SLC6A9: variants seen among roughly 807,000 people sequenced by gnomAD.
SLC6A9 encodes sodium- and chloride-dependent glycine transporter 1.
Under a neutral mutation model 70.9 loss-of-function variants are expected in SLC6A9, and 31 were observed. The observed-to-expected ratio is 0.44, with a 90% CI of 0.33 to 0.59. The LOEUF is 0.59. Ranked by LOEUF, SLC6A9 falls within the 20% of genes least tolerant of loss-of-function variation. The pLI is 0.04. For missense variants in SLC6A9, 631 were observed against 845.2 expected (o/e 0.75, Z 3.14); for synonymous variants, 310 against 341.3 (o/e 0.91, Z 1.01).
At chr1:44,011,731 G>T (rs1465664572) in intron 2 of SLC6A9, 2 of 1,613,664 alleles carry the variant, frequency 1.2e-6, no homozygotes, top group Admixed American at 3.3e-5. Context: ...ACCTGCAGGG[G>T]AGGGGGCCGA....
chr1:44,015,404 C>T (rs1398742121), intron 2 of SLC6A9, among the ~76,000 whole-genome samples: 2 of 152,192 alleles, frequency 1.3e-5, no homozygotes, highest in South Asian at 2.1e-4. Flanking sequence ...CCTGGATGGG[C>T]GGGCCCCTCT....
chr1:44,001,156 G>A lies in SLC6A9; in HGVS notation c.1335+8C>T. On this transcript the variant is annotated splice_region_variant and intron_variant, in intron 10 of 13. Transcript: ENST00000372310. The stretch of plus-strand genomic sequence containing the variant: ...TCTGGGCCAGCCCTTCCCTTACGCA[G>A]CTCTTACCTGGCTGGTGAGGGGGAT... 1 of 1,614,216 alleles carries A rather than the reference G, an allele frequency of 6.2e-7. No homozygotes were observed. The highest frequency in any genetic ancestry group is 8.5e-7 in the Non-Finnish European group (1 of 1,180,044).
In SLC6A9 at chr1:44,015,936, T is replaced by G. The variant is rs189658137; in HGVS notation, c.31-5054A>C. 4.4e-4 allele frequency: 410 copies of G among 937,032 alleles called. No homozygotes were observed. The Middle Eastern group carries it at 4.9e-3, about 11-fold the overall frequency. 58.0% of individuals were successfully genotyped at this position (937,032 alleles called of 1,614,324 possible). A position where few individuals can be genotyped will look rare whatever the true frequency, so the allele number is the denominator to read the frequency against. ...TCAAGGCAAACCTCAGAGCCATCTC[T>G]GGGCACCTCTCAGGACTCCAGGTGC... On this transcript the variant is annotated intron_variant, in intron 2 of 13. Transcript: ENST00000372310.
intron 3 of SLC6A9, chr1:44,010,471 G>GGGGGGGGGGC (rs55903609): frequency 4.6e-6 from 1 of 215,332 alleles, no homozygotes. Context: ...GGGGGGGGGG[G>GGGGGGGGGGC]TTAGGTCCTT....
In SLC6A9 at chr1:43,997,448, G is replaced by A. The variant is rs867196094; in HGVS notation, c.*97C>T. On this transcript the variant is annotated 3_prime_UTR_variant, in exon 14 of 14. Coordinates refer to ENST00000372310, the MANE Select transcript of SLC6A9 (RefSeq NM_001024845.3). This position sits in a 1 kb window ranked among gnomAD's most constrained non-coding sequence, Gnocchi z 4.4. The stretch of plus-strand genomic sequence containing the variant: ...TGACAGCAGCCGTCCTGGCCAGGGC[G>A]TGGCAGGGGGCAGGCAGAGACACCT... 7.0e-5 allele frequency: 76 copies of A among 1,084,558 alleles called. No individual in the cohort carries two copies. The highest frequency in any genetic ancestry group is 6.8e-4 in the African/African-American group (43 of 63,390). 67.2% of individuals were successfully genotyped at this position (1,084,558 alleles called of 1,614,324 possible). A position where few individuals can be genotyped will look rare whatever the true frequency, so the allele number is the denominator to read the frequency against.
intron 2 of SLC6A9, among the ~76,000 whole-genome samples, chr1:44,019,917 C>T (rs1465106439): frequency 7.1e-5 from 8 of 113,122 alleles, no homozygotes; most frequent in African/African-American, 1.7e-4. Flanking sequence ...TGTGGGAGGC[C>T]GGGCTACAGG....
At chr1:43,999,017 C>T (rs547050688) in intron 12 of SLC6A9, among the ~76,000 whole-genome samples, 111 of 151,672 alleles carry the variant, frequency 7.3e-4, no homozygotes, top group African/African-American at 2.6e-3. Flanking sequence ...CCTCCTGAGC[C>T]TCCAGCCACA....
chr1:43,999,750 T>C (rs762338903), intron 12 of SLC6A9, among the ~76,000 whole-genome samples: 16 of 152,130 alleles, frequency 1.1e-4, no homozygotes, highest in Middle Eastern at 3.2e-3. Flanking sequence ...GGAAGTCTGG[T>C]GCTGAGCCCC....
At chr1:44,001,321 C>G in intron 9 of SLC6A9, 23 bp from the exon 10 acceptor site, 1 of 1,614,174 alleles carries the variant, frequency 6.2e-7, no homozygotes, top group Non-Finnish European at 8.5e-7. Flanking sequence ...GCTGTCAGAT[C>G]GGAGACCTGC....
intron 1 of SLC6A9, among the ~76,000 whole-genome samples, chr1:44,030,113 TCCGCCGGCCCGAGGCGCGGAGGCCTC>T (rs1331460792): frequency 1.3e-5 from 2 of 151,900 alleles, no homozygotes; most frequent in African/African-American, 4.8e-5. Context: ...CCTTTAAGTA[TCCGCCGGCCCGAGGCGCGGAGGCCTC>T]CGGCCGGCGG....
intron 2 of SLC6A9, among the ~76,000 whole-genome samples, chr1:44,022,714 C>CTTGCTTTTT (rs2086907039): frequency 1.3e-5 from 1 of 79,530 alleles, no homozygotes; most frequent in Admixed American, 1.2e-4. Context: ...TTCTTTCTTT[C>CTTGCTTTTT]TTTCTTTCTT....
At position 43,997,250 on chromosome 1, in the gene SLC6A9, G is replaced by A. The variant is rs908188623; in HGVS notation, c.*295C>T. 10 of 432,384 alleles carry A rather than the reference G, an allele frequency of 2.3e-5. No individual in the cohort carries two copies. The highest frequency in any genetic ancestry group is 1.3e-3 in the Middle Eastern group (2 of 1,532). 26.8% of individuals were successfully genotyped at this position (432,384 alleles called of 1,614,324 possible). On this transcript the variant is annotated 3_prime_UTR_variant, in exon 14 of 14. Transcript: ENST00000372310. This position sits in a 1 kb window ranked among gnomAD's most constrained non-coding sequence, Gnocchi z 4.4. Reference sequence around the variant, plus strand: ...AGGGTATAAGGGTATCGGAGGCCACGTAAAGCCATCCAGGCTGCTGGGGAC... The same window carrying A: ...AGGGTATAAGGGTATCGGAGGCCACATAAAGCCATCCAGGCTGCTGGGGAC...
rs2086812770 is a variant in SLC6A9, at chr1:44,018,310, G to A, written c.30+5938C>T. 6.6e-6 allele frequency among the ~76,000 whole-genome samples: 1 copy of A among 152,122 alleles called. No individual in the cohort carries two copies. Among genetic ancestry groups the A allele is most frequent in the Non-Finnish European group, 1.5e-5 (1 of 68,040 alleles). ...GGATGACATTAAAAATTTAAAAACAGGGCCAGGTACGGTGGCTCACGCCTG... is the reference window on the plus strand; with the variant it reads ...GGATGACATTAAAAATTTAAAAACAAGGCCAGGTACGGTGGCTCACGCCTG... On this transcript the variant is annotated intron_variant, in intron 2 of 13. Coordinates refer to ENST00000372310, the MANE Select transcript of SLC6A9 (RefSeq NM_001024845.3). The surrounding 1 kb of genome is among the most constrained non-coding windows in gnomAD (Gnocchi z 4.2).
intron 1 of SLC6A9, chr1:44,030,618 C>G (rs1557700114): frequency 6.6e-6 from 1 of 152,430 alleles, no homozygotes; most frequent in African/African-American, 2.4e-5. Context: ...CCCCAGAGAA[C>G]TCCCGGCTCG....
chr1:44,005,216 G>T (rs2086265889), intron 5 of SLC6A9, among the ~76,000 whole-genome samples: 1 of 152,156 alleles, frequency 6.6e-6, no homozygotes, highest in Non-Finnish European at 1.5e-5. Flanking sequence ...GCCCCACAGG[G>T]ACCGCAGAGG....
chr1:44,003,128 G>A, intron 5 of SLC6A9, 143 bp from the exon 6 acceptor site: 1 of 990,068 alleles, frequency 1.0e-6, no homozygotes, highest in Non-Finnish European at 1.5e-6. Flanking sequence ...GCTACTTCAG[G>A]GGCCCAGCCC....
chr1:44,011,527 G>GC, intron 2 of SLC6A9: 1 of 1,598,026 alleles, frequency 6.3e-7, no homozygotes, highest in South Asian at 1.1e-5. Flanking sequence ...TAGCTACACT[G>GC]CCCATGGCTG....
rs1001498092 is a variant in SLC6A9, at chr1:44,018,637, A to G, written c.30+5611T>C. Among the ~76,000 whole-genome samples, 93 of 145,856 alleles carry G rather than the reference A, an allele frequency of 6.4e-4. No homozygotes were observed. The highest frequency in any genetic ancestry group is 1.1e-3 in the South Asian group (5 of 4,666). Reference sequence around the variant, plus strand: ...TAATAATAATAATAATAATAATAATAAATAAAAATAAAAAGACAGGTGGGG... The same window carrying G: ...TAATAATAATAATAATAATAATAATGAATAAAAATAAAAAGACAGGTGGGG... On this transcript the variant is annotated intron_variant, in intron 2 of 13. Coordinates refer to ENST00000372310, the MANE Select transcript of SLC6A9 (RefSeq NM_001024845.3). This position sits in a 1 kb window ranked among gnomAD's most constrained non-coding sequence, Gnocchi z 4.2.
chr1:44,000,863 G>T lies in SLC6A9; in HGVS notation c.1440C>A (p.His480Gln), dbSNP rs2086068097. ...MCVAIMYIYG[H>Q]RNYFQDIQMM... ...TCTGGATGTCCTGGAAGTAGTTCCG[G>T]TGCCCTGGAGAGATGGGGGGTCAGC... The change falls in exon 12 of 14, where the codon CAC becomes CAA. Residue 480 changes from histidine to glutamine, a missense_variant. His to Gln is a conservative substitution (Grantham distance 24, BLOSUM62 0). Coordinates refer to ENST00000372310, the MANE Select transcript of SLC6A9 (RefSeq NM_001024845.3). 6.2e-7 allele frequency: 1 copy of T among 1,605,938 alleles called. No individual in the cohort carries two copies.
Sources: gnomAD v4.1 joint callset for allele counts (sites outside exome capture counted in the v4.1 genomes callset) on GRCh38, gnomAD v4.1.1 for gene constraint, Gnocchi (gnomAD v3.1) non-coding constraint, MANE v1.5 for transcripts, NCBI Gene and HGNC (gene_info 2026-07-23, HGNC 2026-07-21) for gene names.